CNTNAP2: variants seen among roughly 807,000 people sequenced by gnomAD.
CNTNAP2 encodes the protein contactin associated protein 2, also known as contactin-associated protein-like 2.
CNTNAP2 carries 98 observed loss-of-function variants against 155.2 expected under a neutral mutation model. The ratio of observed to expected loss-of-function variants is 0.63; its 90% confidence interval spans 0.54 to 0.75. The LOEUF is 0.75. CNTNAP2 is among the 30% of genes least tolerant of loss of function. CNTNAP2 has a pLI of 0.00. For synonymous variants in CNTNAP2, 651 were observed against 631.2 expected (o/e 1.03, Z -0.47); for missense variants, 1,727 against 1,688.1 (o/e 1.02, Z -0.40).
At chr7:146,869,926 A>G (rs1795273203) in intron 3 of CNTNAP2, among the ~76,000 whole-genome samples, 1 of 152,160 alleles carries the variant, frequency 6.6e-6, no homozygotes, top group Admixed American at 6.5e-5. Flanking sequence ...CAGAAACAAT[A>G]CTTCGCATCC....
chr7:147,972,645 A>G (rs754971137), intron 14 of CNTNAP2, among the ~76,000 whole-genome samples: 11 of 152,226 alleles, frequency 7.2e-5, no homozygotes, highest in Non-Finnish European at 1.3e-4. Context: ...AATAGCATGT[A>G]AGAGTCTTAG....
chr7:146,780,313 G>A (rs1203644628), intron 2 of CNTNAP2, among the ~76,000 whole-genome samples: 1 of 151,900 alleles, frequency 6.6e-6, no homozygotes, highest in Non-Finnish European at 1.5e-5. Context: ...AGCCTCCTGA[G>A]TAGCTGGGAC....
At chr7:148,120,460 T>G (rs956356892) in intron 16 of CNTNAP2, among the ~76,000 whole-genome samples, 1 of 151,908 alleles carries the variant, frequency 6.6e-6, no homozygotes, top group East Asian at 1.9e-4. Context: ...CACTGCGGGA[T>G]CTCGCCATGT....
chr7:146,832,382 C>T (rs1803530040), intron 2 of CNTNAP2, among the ~76,000 whole-genome samples: 2 of 151,138 alleles, frequency 1.3e-5, no homozygotes, highest in South Asian at 4.2e-4. Flanking sequence ...TTAGACTTAC[C>T]CTAGAAACTT....
chr7:146,649,519 T>A (rs990539438), intron 1 of CNTNAP2, among the ~76,000 whole-genome samples: 3 of 152,184 alleles, frequency 2.0e-5, no homozygotes. Flanking sequence ...CTGCTGTTTT[T>A]AAATTTTTGT....
At chr7:147,562,752 TC>T (rs1249587917) in intron 12 of CNTNAP2, among the ~76,000 whole-genome samples, 1 of 152,244 alleles carries the variant, frequency 6.6e-6, no homozygotes, top group Non-Finnish European at 1.5e-5. Flanking sequence ...TTTGGGCTTT[TC>T]TTCTTGGGAA....
At chr7:147,292,887 A>G (rs1288031892) in intron 8 of CNTNAP2, among the ~76,000 whole-genome samples, 2 of 152,172 alleles carry the variant, frequency 1.3e-5, no homozygotes, top group South Asian at 4.1e-4. Flanking sequence ...CTCCTGCCTC[A>G]GCCTCTGGAG....
intron 8 of CNTNAP2, among the ~76,000 whole-genome samples, chr7:147,259,252 G>C (rs544435767): frequency 7.4e-4 from 113 of 152,226 alleles, no homozygotes; most frequent in Admixed American, 3.2e-3. Context: ...ATGACATAAG[G>C]TTAAAATGTA....
intron 21 of CNTNAP2, among the ~76,000 whole-genome samples, chr7:148,318,699 G>A (rs1218477137): frequency 6.6e-6 from 1 of 152,124 alleles, no homozygotes; most frequent in Non-Finnish European, 1.5e-5. Flanking sequence ...TGAGTTTCGT[G>A]GTCCGAATGG....
At chr7:147,977,639 C>T (rs1176640245) in intron 14 of CNTNAP2, among the ~76,000 whole-genome samples, 2 of 152,132 alleles carry the variant, frequency 1.3e-5, no homozygotes, top group African/African-American at 4.8e-5. Context: ...ATCAGGGTGT[C>T]GCTTCTGTTT....
chr7:147,017,684 T>A (rs1798748516), intron 3 of CNTNAP2, among the ~76,000 whole-genome samples: 1 of 151,988 alleles, frequency 6.6e-6, no homozygotes, highest in South Asian at 2.1e-4. Flanking sequence ...AACAACTCTT[T>A]TTACAATACA....
chr7:147,243,055 T>C (rs970087458), intron 8 of CNTNAP2, among the ~76,000 whole-genome samples: 1 of 132,574 alleles, frequency 7.5e-6, no homozygotes, highest in African/African-American at 2.9e-5. Flanking sequence ...TGGAGTGCAG[T>C]GGTGCGATCC....
intron 4 of CNTNAP2, among the ~76,000 whole-genome samples, chr7:147,057,190 C>T (rs1396542750): frequency 6.6e-6 from 1 of 152,112 alleles, no homozygotes; most frequent in Non-Finnish European, 1.5e-5. Flanking sequence ...AAGTCGATAT[C>T]ATGAAACAAC....
At position 148,018,272 on chromosome 7, in the gene CNTNAP2, T is replaced by G. The variant is rs1178098920; in HGVS notation, c.2383+40283T>G. On this transcript the variant is annotated intron_variant, in intron 15 of 23. Transcript: ENST00000361727. ...TTCATCCCAGGTGGTTTATGGGGAC[T>G]CTGTAAATATGGGCTGATAATAGTA... 3.3e-5 allele frequency among the ~76,000 whole-genome samples: 5 copies of G among 152,318 alleles called. No individual in the cohort carries two copies. In the East Asian group the frequency reaches 9.7e-4, roughly 29 times the overall value.
intron 14 of CNTNAP2, among the ~76,000 whole-genome samples, chr7:147,975,026 ATATAATACAATTTTTTGTATTACG>A (rs1554456734): frequency 2.9e-5 from 4 of 137,120 alleles, no homozygotes; most frequent in African/African-American, 7.6e-5. Context: ...TTTGTATTAC[ATATAATACAATTTTTTGTATTACG>A]TATAATACAA....
chr7:147,027,579 T>C (rs577510612), intron 3 of CNTNAP2, among the ~76,000 whole-genome samples: 1 of 152,240 alleles, frequency 6.6e-6, no homozygotes, highest in African/African-American at 2.4e-5. Context: ...CCTGCATCTA[T>C]GTTTTAGGAT....
chr7:147,046,369 G>A (rs918036509), intron 4 of CNTNAP2, among the ~76,000 whole-genome samples: 1 of 152,116 alleles, frequency 6.6e-6, no homozygotes, highest in Non-Finnish European at 1.5e-5. Flanking sequence ...AGTCATAAAA[G>A]ATGCATTATT....
At chr7:147,535,866 TAA>T (rs938797070) in intron 11 of CNTNAP2, among the ~76,000 whole-genome samples, 9 of 152,096 alleles carry the variant, frequency 5.9e-5, no homozygotes, top group African/African-American at 2.2e-4. Flanking sequence ...GGAACAGACG[TAA>T]AAGACAGGCG....
At position 146,350,945 on chromosome 7, in the gene CNTNAP2, C is replaced by T. The variant is rs908817513; in HGVS notation, c.97+233972C>T. Among the ~76,000 whole-genome samples, 9 of 148,078 alleles carry T rather than the reference C, an allele frequency of 6.1e-5. No homozygotes were observed. In the South Asian group the frequency reaches 1.3e-3, roughly 21 times the overall value. On this transcript the variant is annotated intron_variant, in intron 1 of 23. Transcript: ENST00000361727. ...ATCGCAAGGACAAAAAACCAAACAC[C>T]GCATGTTCTCACTCATAGGTGGAAA...
Sources: gnomAD v4.1 joint callset for allele counts (sites outside exome capture counted in the v4.1 genomes callset) on GRCh38, gnomAD v4.1.1 for gene constraint, MANE v1.5 for transcripts, NCBI Gene and HGNC (gene_info 2026-07-23, HGNC 2026-07-21) for gene names.